The following INSL4 variants were observed in gnomAD, a reference collection of about 807,000 sequenced individuals.
INSL4 encodes early placenta insulin-like peptide.
In INSL4, 7 loss-of-function variants were observed where a neutral mutation model predicts 6.5. The observed-to-expected ratio is 1.08, with a 90% CI of 0.61 to 2.02. INSL4 has a LOEUF of 2.02. INSL4 is among the 30% of genes most tolerant of loss of function. The pLI is 0.00. For synonymous variants in INSL4, 82 were observed against 65.8 expected (o/e 1.25, Z -1.19); for missense variants, 226 against 163.2 (o/e 1.38, Z -2.09).
In INSL4 at chr9:5,231,644, TCATA is replaced by T; in HGVS notation, c.122_125del (p.Ser41PhefsTer38). 6.2e-7 allele frequency: 1 copy of T among 1,613,856 alleles called. No individual in the cohort carries two copies. Among genetic ancestry groups the T allele is most frequent in the Non-Finnish European group, 8.5e-7 (1 of 1,179,876 alleles). On this transcript the variant is annotated frameshift_variant, in exon 1 of 2. Transcript: ENST00000239316. LOFTEE classifies it high-confidence loss of function. ...TCCCCGATTTGGAAAACACTTGCTG[TCATA>T]TTGCCCCATGCCTGAGAAGACATTC...
Position 5,233,932 on chromosome 9 carries a change from A to T in INSL4, c.*55A>T, listed in dbSNP as rs1225138579. 5.3e-6 allele frequency: 6 copies of T among 1,132,486 alleles called. No individual in the cohort carries two copies. Among genetic ancestry groups the T allele is most frequent in the Non-Finnish European group, 8.0e-6 (6 of 752,624 alleles). The allele number at this position is 1,132,486 out of a possible 1,614,324, so 70.2% of individuals were successfully genotyped here. A position where few individuals can be genotyped will look rare whatever the true frequency, so the allele number is the denominator to read the frequency against. On this transcript the variant is annotated 3_prime_UTR_variant, in exon 2 of 2. Coordinates refer to ENST00000239316, the MANE Select transcript of INSL4 (RefSeq NM_002195.2). ...CATTCTCATATGTATTCTCAATGAC[A>T]AATTCACTGATGCCCAATTAAATGA...
chr9:5,233,878 T>C lies in INSL4; in HGVS notation c.*1T>C, dbSNP rs761664560. 10 of 1,589,454 alleles carry C rather than the reference T, an allele frequency of 6.3e-6. No homozygotes were observed. In the East Asian group the frequency reaches 2.0e-4, roughly 32 times the overall value. On this transcript the variant is annotated 3_prime_UTR_variant, in exon 2 of 2. Coordinates refer to ENST00000239316, the MANE Select transcript of INSL4 (RefSeq NM_002195.2). Reference sequence around the variant, plus strand: ...AACTTCAGTTAAATTATGTACATAGTAGAGTAATCATGGACTGGACATCTC... The same window carrying C: ...AACTTCAGTTAAATTATGTACATAGCAGAGTAATCATGGACTGGACATCTC...
At chr9:5,232,585 A>AAT (rs1826164521) in intron 1 of INSL4, among the ~76,000 whole-genome samples, 1 of 152,210 alleles carries the variant, frequency 6.6e-6, no homozygotes, top group African/African-American at 2.4e-5. Flanking sequence ...AGGAAAGTTC[A>AAT]ATACCAGGAT....
intron 1 of INSL4, 35 bp downstream of exon 1, chr9:5,231,754 G>C: frequency 6.3e-7 from 1 of 1,590,908 alleles, no homozygotes; most frequent in Non-Finnish European, 8.6e-7. Flanking sequence ...ATCAGAATGA[G>C]GCCTGAAAAA....
rs1023730375 is a variant in INSL4 at position 5,233,979 on chromosome 9, G to A, written c.*102G>A. On this transcript the variant is annotated 3_prime_UTR_variant, in exon 2 of 2. Coordinates refer to ENST00000239316, the MANE Select transcript of INSL4 (RefSeq NM_002195.2). ...ATGATTGCTGTTTATTAGAACATGAGAATCATTATTAGTATTCACATGTTT... is the reference window on the plus strand; with the variant it reads ...ATGATTGCTGTTTATTAGAACATGAAAATCATTATTAGTATTCACATGTTT... The A allele has an allele frequency of 5.2e-6, 4 of 772,904 alleles. No homozygotes were observed. The highest frequency in any genetic ancestry group is 8.7e-6 in the Non-Finnish European group (4 of 458,954). 47.9% of individuals were successfully genotyped at this position (772,904 alleles called of 1,614,324 possible). A position where few individuals can be genotyped will look rare whatever the true frequency, so the allele number is the denominator to read the frequency against.
At chr9:5,233,289 T>A (rs1199886515) in intron 1 of INSL4, among the ~76,000 whole-genome samples, 1 of 152,122 alleles carries the variant, frequency 6.6e-6, no homozygotes, top group African/African-American at 2.4e-5. Flanking sequence ...TCTATTAGAA[T>A]AACTTGTGAT....
At position 5,231,429 on chromosome 9, in the gene INSL4, C is replaced by T. The variant is rs1182888589; in HGVS notation, c.-95C>T. 2.5e-6 allele frequency: 3 copies of T among 1,223,256 alleles called. No individual in the cohort carries two copies. The African/African-American group carries it at 4.6e-5, about 19-fold the overall frequency. 75.8% of individuals were successfully genotyped at this position (1,223,256 alleles called of 1,614,324 possible). A position where few individuals can be genotyped will look rare whatever the true frequency, so the allele number is the denominator to read the frequency against. The stretch of plus-strand genomic sequence containing the variant: ...AGGCATGCAGAAAGCAGTCTGGAGC[C>T]CAGAAGGGACACACCAGCACAGTCT... On this transcript the variant is annotated 5_prime_UTR_variant, in exon 1 of 2. Coordinates refer to ENST00000239316, the MANE Select transcript of INSL4 (RefSeq NM_002195.2).
chr9:5,231,836 G>A (rs1826151103), intron 1 of INSL4, 117 bp downstream of exon 1: 2 of 870,034 alleles, frequency 2.3e-6, no homozygotes, highest in Non-Finnish European at 3.5e-6. Context: ...ACAAGTTTGT[G>A]GTTTTTCATT....
At position 5,234,200 on chromosome 9, in the gene INSL4, C is replaced by T. The variant is rs766308832; in HGVS notation, c.*323C>T. On this transcript the variant is annotated 3_prime_UTR_variant, in exon 2 of 2. Coordinates refer to ENST00000239316, the MANE Select transcript of INSL4 (RefSeq NM_002195.2). ...TAGTTTGGATGCATATCCCAATTAC[C>T]CTGATTTGATCATTACACATTATAT... 1.0e-4 allele frequency: 29 copies of T among 282,146 alleles called. No individual in the cohort carries two copies. Among genetic ancestry groups the T allele is most frequent in the Middle Eastern group, 2.3e-3 (2 of 876 alleles). 17.5% of individuals were successfully genotyped at this position (282,146 alleles called of 1,614,324 possible). A position where few individuals can be genotyped will look rare whatever the true frequency, so the allele number is the denominator to read the frequency against.
Position 5,233,160 on chromosome 9 carries a change from C to G in INSL4, c.197-494C>G, listed in dbSNP as rs144226547. Reference sequence around the variant, plus strand: ...AAAAATGGAAAGTATTCATGGATAACAAATGTTAACATTTGGTGTCGACAC... The same window carrying G: ...AAAAATGGAAAGTATTCATGGATAAGAAATGTTAACATTTGGTGTCGACAC... On this transcript the variant is annotated intron_variant, in intron 1 of 1. Transcript: ENST00000239316. Among the ~76,000 whole-genome samples, 24 of 152,212 alleles carry G rather than the reference C, an allele frequency of 1.6e-4. No individual in the cohort carries two copies. The East Asian group carries it at 4.6e-3, about 29-fold the overall frequency.
In INSL4 at chr9:5,233,717, C is replaced by T; in HGVS notation, c.260C>T (p.Pro87Leu). ...TTAGGTACGACATCAGAATTCATTC[C>T]TAATTTGTCACCAGAGCTGAAGAAA... ...QALGTTSEFIPNLSPELKKPL... is the reference protein window; with the variant it reads ...QALGTTSEFILNLSPELKKPL... Residue 87 changes from proline to leucine, a missense_variant, in exon 2 of 2, where the codon CCT becomes CTT. By Grantham distance (98) the Pro-to-Leu change is moderately conservative. Coordinates refer to ENST00000239316, the MANE Select transcript of INSL4 (RefSeq NM_002195.2). 1 of 1,613,692 alleles carries T rather than the reference C, an allele frequency of 6.2e-7. No individual in the cohort carries two copies. Among genetic ancestry groups the T allele is most frequent in the Non-Finnish European group, 8.5e-7 (1 of 1,179,736 alleles).
Position 5,232,936 on chromosome 9 carries a change from T to A in INSL4, c.197-718T>A, listed in dbSNP as rs112034082. Among the ~76,000 whole-genome samples the A allele has an allele frequency of 1.6e-3, 248 of 152,206 alleles. 3 individuals are homozygous for A. The highest frequency in any genetic ancestry group is 5.5e-3 in the African/African-American group (230 of 41,504). On this transcript the variant is annotated intron_variant, in intron 1 of 1. Transcript: ENST00000239316. Reference sequence around the variant, plus strand: ...ATATAACGATTTCAAAGTTATTTCCTTTTTTTACATTATTAGTCAGAGCTT... The same window carrying A: ...ATATAACGATTTCAAAGTTATTTCCATTTTTTACATTATTAGTCAGAGCTT...
rs1469386022 is a variant in INSL4 at position 5,234,414 on chromosome 9, A to T, written c.*537A>T. 1.9e-5 allele frequency: 3 copies of T among 156,202 alleles called. No homozygotes were observed. Among genetic ancestry groups the T allele is most frequent in the African/African-American group, 7.2e-5 (3 of 41,464 alleles). 9.7% of individuals were successfully genotyped at this position (156,202 alleles called of 1,614,324 possible). On this transcript the variant is annotated 3_prime_UTR_variant, in exon 2 of 2. Transcript: ENST00000239316. ...AATGTAAGAGATAAAGGATCTAACC[A>T]TCTCTAACATCAGCTCATAGTACGG...
In INSL4 at chr9:5,233,870, G is replaced by A. The variant is rs769486386; in HGVS notation, c.413G>A (p.Cys138Tyr). 1.9e-6 allele frequency: 3 copies of A among 1,603,338 alleles called. No homozygotes were observed. In the South Asian group the frequency reaches 3.3e-5, roughly 18 times the overall value. ...GACGATGGAACTTCAGTTAAATTAT[G>A]TACATAGTAGAGTAATCATGGACTG... ...ICDDGTSVKL[C>Y]T The change falls in exon 2 of 2, where the codon TGT (cysteine) becomes TAT (tyrosine). Residue 138 changes from cysteine (C) to tyrosine (Y), a missense_variant. By Grantham distance (194) the Cys-to-Tyr change is radical (BLOSUM62 -2). Coordinates refer to ENST00000239316, the MANE Select transcript of INSL4 (RefSeq NM_002195.2).
At chr9:5,231,813 G>A (rs972071877) in intron 1 of INSL4, 94 bp downstream of exon 1, 12 of 1,087,182 alleles carry the variant, frequency 1.1e-5, no homozygotes, top group Middle Eastern at 2.6e-4. Flanking sequence ...AGACTCTACT[G>A]TGGCTAGTGC....
rs1563713843 is a variant in INSL4 at position 5,231,603 on chromosome 9, A to G, written c.80A>G (p.Glu27Gly). 2.5e-6 allele frequency: 4 copies of G among 1,613,900 alleles called. No homozygotes were observed. Among genetic ancestry groups the G allele is most frequent in the Non-Finnish European group, 3.4e-6 (4 of 1,179,880 alleles). The part of the protein sequence containing the change: ...SQLLRESLAA[E>G]LRGCGPRFGK... Reference sequence around the variant, plus strand: ...CTCCTTAGAGAAAGCCTAGCAGCAGAGCTGAGGGGATGTGGTCCCCGATTT... The same window carrying G: ...CTCCTTAGAGAAAGCCTAGCAGCAGGGCTGAGGGGATGTGGTCCCCGATTT... The change falls in exon 1 of 2, where the codon GAG becomes GGG. Residue 27 changes from glutamate to glycine, a missense_variant. Coordinates refer to ENST00000239316, the MANE Select transcript of INSL4 (RefSeq NM_002195.2).
chr9:5,231,680 A>AC lies in INSL4; in HGVS notation c.161dup (p.Gly55ArgfsTer34). 1 of 1,613,562 alleles carries AC rather than the reference A, an allele frequency of 6.2e-7. No individual in the cohort carries two copies. The highest frequency in any genetic ancestry group is 8.5e-7 in the Non-Finnish European group (1 of 1,179,764). ...CATGCCTGAGAAGACATTCACCACC[A>AC]CCCCAGGAGGGTGGCTGCTGGAATC... On this transcript the variant is annotated frameshift_variant, in exon 1 of 2. Coordinates refer to ENST00000239316, the MANE Select transcript of INSL4 (RefSeq NM_002195.2). LOFTEE classifies it low-confidence loss of function (END_TRUNC).
At position 5,233,975 on chromosome 9, in the gene INSL4, A is replaced by ACT; in HGVS notation, c.*98_*99insCT. 1 of 788,406 alleles carries ACT rather than the reference A, an allele frequency of 1.3e-6. No individual in the cohort carries two copies. The highest frequency in any genetic ancestry group is 1.6e-5 in the South Asian group (1 of 60,620). 48.8% of individuals were successfully genotyped at this position (788,406 alleles called of 1,614,324 possible). The stretch of plus-strand genomic sequence containing the variant: ...TTAAATGATTGCTGTTTATTAGAAC[A>ACT]TGAGAATCATTATTAGTATTCACAT... On this transcript the variant is annotated 3_prime_UTR_variant, in exon 2 of 2. Transcript: ENST00000239316.
In INSL4 at chr9:5,234,591, C is replaced by G. The variant is rs1451193669; in HGVS notation, c.*714C>G. 1.3e-5 allele frequency: 2 copies of G among 152,744 alleles called. No homozygotes were observed. Among genetic ancestry groups the G allele is most frequent in the Admixed American group, 1.3e-4 (2 of 15,260 alleles). 9.5% of individuals were successfully genotyped at this position (152,744 alleles called of 1,614,324 possible). ...TTTAGACCTTCAATCATTCTATAAA[C>G]TCCTCTTTTGTCCCTGGCATTACTC... On this transcript the variant is annotated 3_prime_UTR_variant, in exon 2 of 2. Transcript: ENST00000239316.
Sources: gnomAD v4.1 joint callset for allele counts (sites outside exome capture counted in the v4.1 genomes callset) on GRCh38, gnomAD v4.1.1 for gene constraint, MANE v1.5 for transcripts, NCBI Gene and HGNC (gene_info 2026-07-23, HGNC 2026-07-21) for gene names.